GPHN: variants seen among roughly 807,000 people sequenced by gnomAD.
The protein encoded by GPHN is gephyrin.
GPHN carries 17 observed loss-of-function variants against 95.5 expected under a neutral mutation model. The ratio of observed to expected loss-of-function variants is 0.18; its 90% confidence interval spans 0.12 to 0.27. The LOEUF (loss-of-function observed/expected upper bound fraction) is 0.27, where lower values mean the gene tolerates loss of function less well. Among genes scored for constraint, GPHN ranks in the 10% least tolerant of loss-of-function variants. GPHN has a pLI of 1.00. For missense variants in GPHN, 660 were observed against 978.1 expected (o/e 0.67, Z 4.34); for synonymous variants, 320 against 322.5 (o/e 0.99, Z 0.08).
the GPHN span, among the ~76,000 whole-genome samples, chr14:67,379,654 CTTTTTTTT>C: frequency 1.4e-4 from 17 of 119,952 alleles, 1 homozygote; most frequent in South Asian, 5.9e-4. Flanking sequence ...TTTTCTTTTT[CTTTTTTTT>C]TTTTTTTTTT....
intron 1 of GPHN, among the ~76,000 whole-genome samples, chr14:66,604,846 C>T (rs1328447603): frequency 1.4e-5 from 2 of 146,344 alleles, no homozygotes; most frequent in Non-Finnish European, 3.0e-5. Context: ...AGCCCATTTC[C>T]CCCTCCCTCC....
the GPHN span, chr14:67,584,110 CTT>C: frequency 3.7e-6 from 6 of 1,613,548 alleles, no homozygotes; most frequent in Non-Finnish European, 5.1e-6. Context: ...TGGTGCTAAA[CTT>C]TTTGCTGCTC....
Position 66,548,045 on chromosome 14 carries a change from T to C in GPHN, c.64+39454T>C, listed in dbSNP as rs146530796. Among the ~76,000 whole-genome samples the C allele has an allele frequency of 2.0e-4, 31 of 152,310 alleles. No homozygotes were observed. The East Asian group carries it at 5.8e-3, about 28-fold the overall frequency. ...ATCCAGCAGACTTGTTGGTATCATT[T>C]TTTTTTTAACAACGTGTACTCACTT... On this transcript the variant is annotated intron_variant, in intron 1 of 22. Coordinates refer to ENST00000478722, the MANE Select transcript of GPHN (RefSeq NM_020806.5).
the GPHN span, among the ~76,000 whole-genome samples, chr14:67,389,685 G>C: frequency 6.6e-6 from 1 of 151,930 alleles, no homozygotes; most frequent in Non-Finnish European, 1.5e-5. Context: ...TATTTTAAAA[G>C]CTGAGACAGC....
At chr14:67,583,647 A>C in the GPHN span, 1 of 866,928 alleles carries the variant, frequency 1.2e-6, no homozygotes, top group Non-Finnish European at 1.8e-6. Context: ...CCAATAGGGT[A>C]ATAAAGAAAT....
rs116686679 is a variant in GPHN at position 66,952,993 on chromosome 14, C to A, written c.829-12198C>A. Among the ~76,000 whole-genome samples, 981 of 151,352 alleles carry A rather than the reference C, an allele frequency of 6.5e-3. 15 individuals carry two copies. Among genetic ancestry groups the A allele is most frequent in the African/African-American group, 0.023 (935 of 41,000 alleles). On this transcript the variant is annotated intron_variant, in intron 8 of 22. Transcript: ENST00000478722. ...ACAGGTGTGAGCCACTGCACCGGGC[C>A]TTCTTTTTTTCTTAATTCTTATCAT...
the GPHN span, chr14:67,590,210 G>A: frequency 6.7e-7 from 1 of 1,494,074 alleles, no homozygotes; most frequent in African/African-American, 1.4e-5. Flanking sequence ...GTCAAGGTGA[G>A]AATATAAGGG....
chr14:66,535,309 A>G (rs1257995450), intron 1 of GPHN, among the ~76,000 whole-genome samples: 2 of 152,104 alleles, frequency 1.3e-5, no homozygotes, highest in Non-Finnish European at 2.9e-5. Context: ...TAGAGTGTAT[A>G]TGCTCTTCCA....
chr14:67,368,022 A>C, the GPHN span, among the ~76,000 whole-genome samples: 1 of 152,292 alleles, frequency 6.6e-6, no homozygotes, highest in Admixed American at 6.5e-5. Flanking sequence ...CTGAGTGATG[A>C]CACAGTCCAA....
At chr14:66,947,560 C>G (rs549338465) in intron 8 of GPHN, among the ~76,000 whole-genome samples, 2 of 152,258 alleles carry the variant, frequency 1.3e-5, no homozygotes, top group South Asian at 4.1e-4. Context: ...CCCATGAAAA[C>G]ATATGATGCA....
chr14:67,439,878 A>C, the GPHN span, among the ~76,000 whole-genome samples: 20 of 151,988 alleles, frequency 1.3e-4, no homozygotes, highest in African/African-American at 4.8e-4. Context: ...CACTCTGTCC[A>C]CCCAGGCTGG....
At chr14:67,709,167 T>G in the GPHN span, among the ~76,000 whole-genome samples, 1 of 152,188 alleles carries the variant, frequency 6.6e-6, no homozygotes, top group Non-Finnish European at 1.5e-5. Context: ...TTGTCAAATA[T>G]CAAAGGTTTA....
chr14:67,539,885 G>A, the GPHN span, among the ~76,000 whole-genome samples: 50 of 152,256 alleles, frequency 3.3e-4, no homozygotes, highest in African/African-American at 1.1e-3. Flanking sequence ...CACATGCCTG[G>A]CATACAATAA....
chr14:66,786,475 A>T (rs1158094938), intron 3 of GPHN, among the ~76,000 whole-genome samples: 1 of 152,080 alleles, frequency 6.6e-6, no homozygotes, highest in African/African-American at 2.4e-5. Context: ...AAAAAGAATT[A>T]TCATCAGTTT....
the GPHN span, among the ~76,000 whole-genome samples, chr14:67,277,188 T>C: frequency 3.3e-5 from 5 of 152,204 alleles, no homozygotes; most frequent in African/African-American, 1.2e-4. Flanking sequence ...AAAAATCAAA[T>C]AGCTGTCATG....
At chr14:66,556,270 T>G (rs1487426387) in intron 1 of GPHN, among the ~76,000 whole-genome samples, 1 of 152,202 alleles carries the variant, frequency 6.6e-6, no homozygotes, top group African/African-American at 2.4e-5. Context: ...AAGACCCTCT[T>G]TTACACAATT....
the GPHN span, among the ~76,000 whole-genome samples, chr14:67,671,861 C>T: frequency 4.6e-5 from 7 of 152,212 alleles, no homozygotes; most frequent in South Asian, 2.1e-4. Context: ...ACTCTCTCAA[C>T]AACCAAGCCA....
intron 10 of GPHN, among the ~76,000 whole-genome samples, chr14:67,048,352 A>C (rs2075138087): frequency 6.6e-6 from 1 of 152,236 alleles, no homozygotes; most frequent in Non-Finnish European, 1.5e-5. Flanking sequence ...TTCTGAACTA[A>C]AATATAGTCA....
At chr14:66,707,863 T>TA (rs574043931) in intron 2 of GPHN, among the ~76,000 whole-genome samples, 26 of 152,190 alleles carry the variant, frequency 1.7e-4, no homozygotes, top group Non-Finnish European at 3.1e-4. Flanking sequence ...GTATACATTG[T>TA]ATAATGGTCA....
Sources: gnomAD v4.1 joint callset for allele counts (sites outside exome capture counted in the v4.1 genomes callset) on GRCh38, gnomAD v4.1.1 for gene constraint, MANE v1.5 for transcripts, NCBI Gene and HGNC (gene_info 2026-07-23, HGNC 2026-07-21) for gene names.